DNM2: variants seen among roughly 807,000 people sequenced by gnomAD.
DNM2 encodes dynamin 2, also known as dynamin-2.
DNM2 carries 15 observed loss-of-function variants against 99.0 expected under a neutral mutation model. The ratio of observed to expected loss-of-function variants is 0.15; its 90% CI spans 0.10 to 0.23. The LOEUF (loss-of-function observed/expected upper bound fraction) is 0.23. Ranked by LOEUF, DNM2 falls within the 10% of genes least tolerant of loss-of-function variation. The probability of loss-of-function intolerance (pLI) is 1.00; values close to 1 mark genes in which losing one functional copy is unlikely to be tolerated. For missense variants in DNM2, 742 were observed against 1,189.4 expected, an observed-to-expected ratio of 0.62 and a Z score of 5.53; for synonymous variants, 525 against 481.2, an observed-to-expected ratio of 1.09 and a Z score of -1.19.
intron 7 of DNM2, among the ~76,000 whole-genome samples, chr19:10,788,126 G>A (rs959276990): frequency 7.9e-5 from 12 of 151,986 alleles, no homozygotes; most frequent in African/African-American, 2.2e-4. Flanking sequence ...CCAGCTACTC[G>A]GGAGACTGAG....
rs2072531131 is a variant in DNM2, at chr19:10,811,248, G to A, written c.1558-1016G>A. 1.1e-5 allele frequency: 2 copies of A among 180,184 alleles called. No homozygotes were observed. Among genetic ancestry groups the A allele is most frequent in the African/African-American group, 4.8e-5 (2 of 41,922 alleles). The allele number at this position is 180,184 out of a possible 1,614,324, so 11.2% of individuals were successfully genotyped here. The stretch of plus-strand genomic sequence containing the variant: ...AGCACTCACATCCAGCCACCAAGGA[G>A]CCGCTGGAGCTGTGGGCTGGTGGCC... On this transcript the variant is annotated intron_variant, in intron 14 of 20. Transcript: ENST00000389253. The surrounding 1 kb of genome is among the most constrained non-coding windows in gnomAD (Gnocchi z 5.4).
At chr19:10,774,525 C>T (rs1489320365) in intron 3 of DNM2, among the ~76,000 whole-genome samples, 2 of 152,070 alleles carry the variant, frequency 1.3e-5, no homozygotes, top group Non-Finnish European at 1.5e-5. Context: ...CTCCCGGGTT[C>T]AAGTGATTCT....
rs2071909598 is a variant in DNM2, at chr19:10,795,752, A to AGGGGC, written c.1196+321_1196+325dup. On this transcript the variant is annotated intron_variant, in intron 9 of 20. Transcript: ENST00000389253. The surrounding 1 kb of genome is among the most constrained non-coding windows in gnomAD (Gnocchi z 4.2). The stretch of plus-strand genomic sequence containing the variant: ...ATGCTCACTGCAGATTTGCCTGGGG[A>AGGGGC]GGGGCGGGGCGGCACTGAATCAGGG... The AGGGGC allele has an allele frequency of 1.7e-6, 1 of 578,748 alleles. No individual in the cohort carries two copies. Among genetic ancestry groups the AGGGGC allele is most frequent in the Admixed American group, 3.0e-5 (1 of 33,212 alleles). The allele number at this position is 578,748 out of a possible 1,614,324, so 35.9% of individuals were successfully genotyped here.
At chr19:10,805,554 G>C (rs1421361134) in intron 12 of DNM2, among the ~76,000 whole-genome samples, 1 of 152,186 alleles carries the variant, frequency 6.6e-6, no homozygotes, top group Non-Finnish European at 1.5e-5. Context: ...GGAACTACTT[G>C]AGCCCGGGAG....
intron 1 of DNM2, among the ~76,000 whole-genome samples, chr19:10,728,506 G>A (rs2069185821): frequency 6.6e-6 from 1 of 152,160 alleles, no homozygotes; most frequent in African/African-American, 2.4e-5. Flanking sequence ...GATTACAGAG[G>A]GAGTGAGCAA....
At position 10,764,624 on chromosome 19, in the gene DNM2, C is replaced by T. The variant is rs986105773; in HGVS notation, c.235+4813C>T. Among the ~76,000 whole-genome samples the T allele has an allele frequency of 1.1e-4, 16 of 152,158 alleles. No individual in the cohort carries two copies. The highest frequency in any genetic ancestry group is 3.1e-4 in the African/African-American group (13 of 41,436). ...TTGAACTGGCCTTTGGTGTGCTCAC[C>T]GGAACCAAGGAAGAGATGTCAGGAC... On this transcript the variant is annotated intron_variant, in intron 2 of 20. Transcript: ENST00000389253. The surrounding 1 kb of genome is among the most constrained non-coding windows in gnomAD (Gnocchi z 4.1).
Position 10,816,983 on chromosome 19 carries a change from G to GA in DNM2, c.1672-2994dup, listed in dbSNP as rs1333740586. Among the ~76,000 whole-genome samples the GA allele has an allele frequency of 6.6e-6, 1 of 152,206 alleles. No individual in the cohort carries two copies. Among genetic ancestry groups the GA allele is most frequent in the East Asian group, 1.9e-4 (1 of 5,182 alleles). On this transcript the variant is annotated intron_variant, in intron 15 of 20. Coordinates refer to ENST00000389253, the MANE Select transcript of DNM2 (RefSeq NM_001005361.3). The surrounding 1 kb of genome is among the most constrained non-coding windows in gnomAD (Gnocchi z 4.6). ...CCGTAATGAGAAACAGCCGACCTGT[G>GA]AAAGGGGCCCTGTGTGAGCCCCAGA...
chr19:10,772,436 C>T lies in DNM2; in HGVS notation c.236-43C>T. ...TCCCCGCAGTCCATGCGCACCCTGC[C>T]CACAGCTCTTTCTCATTTTCAGCAT... On this transcript the variant is annotated intron_variant, in intron 2 of 20. Coordinates refer to ENST00000389253, the MANE Select transcript of DNM2 (RefSeq NM_001005361.3). The surrounding 1 kb of genome is among the most constrained non-coding windows in gnomAD (Gnocchi z 4.9). 6.2e-7 allele frequency: 1 copy of T among 1,612,058 alleles called. No individual in the cohort carries two copies. The highest frequency in any genetic ancestry group is 8.5e-7 in the Non-Finnish European group (1 of 1,179,760).
chr19:10,739,001 T>C (rs2069638154), intron 1 of DNM2, among the ~76,000 whole-genome samples: 1 of 151,998 alleles, frequency 6.6e-6, no homozygotes, highest in African/African-American at 2.4e-5. Context: ...ACCCCGTCTC[T>C]ACTAAAAATA....
rs977663999 is a variant in DNM2, at chr19:10,816,761, G to T, written c.1672-3219G>T. On this transcript the variant is annotated intron_variant, in intron 15 of 20. Coordinates refer to ENST00000389253, the MANE Select transcript of DNM2 (RefSeq NM_001005361.3). The surrounding 1 kb of genome is among the most constrained non-coding windows in gnomAD (Gnocchi z 4.6). ...GCCTGGGGCAGCGAGCCTTGGAGGA[G>T]CCTCTGGGCCTGAACCTCAGCCTGG... Among the ~76,000 whole-genome samples the T allele has an allele frequency of 1.3e-5, 2 of 152,216 alleles. No homozygotes were observed. Among genetic ancestry groups the T allele is most frequent in the African/African-American group, 4.8e-5 (2 of 41,464 alleles).
chr19:10,775,897 G>T lies in DNM2; in HGVS notation c.580G>T (p.Asp194Tyr). Residue 194 changes from aspartate to tyrosine, a missense_variant, in exon 4 of 21, where the codon GAT (aspartate) becomes TAT (tyrosine). Asp to Tyr is a radical substitution (Grantham distance 160). This residue lies in a region of DNM2 where 192 missense variants were observed against 358.9 expected (regional missense o/e 0.54). Coordinates refer to ENST00000389253, the MANE Select transcript of DNM2 (RefSeq NM_001005361.3). This position sits in a 1 kb window ranked among gnomAD's most constrained non-coding sequence, Gnocchi z 4.3. ...SDALKLAKEV[D>Y]PQGLRTIGVI... ...CGCCCTCAAGCTGGCCAAGGAAGTCGATCCCCAAGGTAACCCTGAGCCTAG... is the reference window on the plus strand; with the variant it reads ...CGCCCTCAAGCTGGCCAAGGAAGTCTATCCCCAAGGTAACCCTGAGCCTAG... 1 of 1,611,868 alleles carries T rather than the reference G, an allele frequency of 6.2e-7. No individual in the cohort carries two copies. Among genetic ancestry groups the T allele is most frequent in the Non-Finnish European group, 8.5e-7 (1 of 1,179,998 alleles).
At position 10,811,917 on chromosome 19, in the gene DNM2, C is replaced by A. The variant is rs1429837510; in HGVS notation, c.1558-347C>A. On this transcript the variant is annotated intron_variant, in intron 14 of 20. Coordinates refer to ENST00000389253, the MANE Select transcript of DNM2 (RefSeq NM_001005361.3). This position sits in a 1 kb window ranked among gnomAD's most constrained non-coding sequence, Gnocchi z 5.4. ...CCCTTGGAACCTTATCTCACGCAAA[C>A]AAGTGCAGTTCCTCAGATGTCACAT... is the stretch of plus-strand genomic sequence containing the variant. The A allele has an allele frequency of 2.2e-6, 1 of 457,226 alleles. No homozygotes were observed. Among genetic ancestry groups the A allele is most frequent in the South Asian group, 1.6e-5 (1 of 64,450 alleles). The allele number at this position is 457,226 out of a possible 1,614,324, so 28.3% of individuals were successfully genotyped here. A position where few individuals can be genotyped will look rare whatever the true frequency, so the allele number is the denominator to read the frequency against.
intron 1 of DNM2, among the ~76,000 whole-genome samples, chr19:10,741,047 T>A (rs1005225678): frequency 1.3e-5 from 2 of 152,204 alleles, no homozygotes; most frequent in Non-Finnish European, 2.9e-5. Context: ...AATGTGTATT[T>A]TACTCTTGGG....
At chr19:10,720,466 G>A (rs1452917487) in intron 1 of DNM2, among the ~76,000 whole-genome samples, 2 of 152,008 alleles carry the variant, frequency 1.3e-5, no homozygotes, top group African/African-American at 4.8e-5. Context: ...TCATGCCTTG[G>A]CCTCCCAGAG....
At chr19:10,746,036 G>A (rs2069954067) in intron 1 of DNM2, among the ~76,000 whole-genome samples, 1 of 152,206 alleles carries the variant, frequency 6.6e-6, no homozygotes, top group South Asian at 2.1e-4. Context: ...TTGGCTCACT[G>A]CAACCTCTGC....
At position 10,798,504 on chromosome 19, in the gene DNM2, T is replaced by G. The variant is rs770599060; in HGVS notation, c.1354T>G (p.Leu452Val). 1.2e-5 allele frequency: 19 copies of G among 1,613,936 alleles called. No homozygotes were observed. The highest frequency in any genetic ancestry group is 1.7e-5 in the Admixed American group (1 of 59,994). Residue 452 changes from leucine to valine, a missense_variant, in exon 11 of 21, where the codon TTG (leucine) becomes GTG (valine). Leu to Val is a conservative substitution (Grantham distance 32). This residue lies in a region of DNM2 where 240 missense variants were observed against 431.3 expected (regional missense o/e 0.56). Coordinates refer to ENST00000389253, the MANE Select transcript of DNM2 (RefSeq NM_001005361.3). ...CAEKLSSYPR[L>V]REETERIVTT... ...CCCCCAGCTCAGTTCCTACCCCCGGTTGCGAGAGGAGACAGAGCGAATCGT... is the reference window on the plus strand; with the variant it reads ...CCCCCAGCTCAGTTCCTACCCCCGGGTGCGAGAGGAGACAGAGCGAATCGT...
At chr19:10,777,977 GTTA>G (rs940069364) in intron 5 of DNM2, among the ~76,000 whole-genome samples, 2 of 150,774 alleles carry the variant, frequency 1.3e-5, no homozygotes, top group African/African-American at 4.9e-5. Context: ...AGCTTCGGTG[GTTA>G]TTATTATTAT....
chr19:10,801,288 A>C (rs1417819302), intron 11 of DNM2, among the ~76,000 whole-genome samples: 1 of 151,864 alleles, frequency 6.6e-6, no homozygotes, highest in Non-Finnish European at 1.5e-5. Context: ...CCTGGGTAAC[A>C]CAGTGAGACT....
intron 5 of DNM2, among the ~76,000 whole-genome samples, chr19:10,782,430 C>T (rs1394652104): frequency 1.3e-5 from 2 of 150,442 alleles, no homozygotes; most frequent in African/African-American, 4.9e-5. Flanking sequence ...ATGATCTTGG[C>T]TCACTGCAAC....
Sources: gnomAD v4.1 joint callset for allele counts (sites outside exome capture counted in the v4.1 genomes callset) on GRCh38, gnomAD v4.1.1 for gene constraint, gnomAD v4.1.1 regional missense constraint, Gnocchi (gnomAD v3.1) non-coding constraint, MANE v1.5 for transcripts, NCBI Gene and HGNC (gene_info 2026-07-23, HGNC 2026-07-21) for gene names.